Variants in TNNI3K observed in about 807,000 individuals in gnomAD.
The protein encoded by TNNI3K is serine/threonine-protein kinase TNNI3K.
In TNNI3K, 140 loss-of-function variants were observed where a neutral mutation model predicts 114.5. The observed-to-expected ratio is 1.22, with a 90% CI of 1.07 to 1.41. The LOEUF (loss-of-function observed/expected upper bound fraction) is 1.41. TNNI3K is among the 40% of genes most tolerant of loss of function. The probability of loss-of-function intolerance (pLI) is 0.00; values close to 1 mark genes in which losing one functional copy is unlikely to be tolerated. For synonymous variants in TNNI3K, 347 were observed against 347.5 expected, an observed-to-expected ratio of 1.00 and a Z score of 0.02; for missense variants, 1,125 against 1,007.6, an observed-to-expected ratio of 1.12 and a Z score of -1.58.
At chr1:74,507,924 G>A (rs1439639834) in intron 23 of TNNI3K, among the ~76,000 whole-genome samples, 1 of 152,174 alleles carries the variant, frequency 6.6e-6, no homozygotes, top group African/African-American at 2.4e-5. Context: ...TCCCTATATT[G>A]TGCTGGGAGT....
At chr1:74,288,108 T>C (rs188519963) in intron 5 of TNNI3K, among the ~76,000 whole-genome samples, 11 of 152,128 alleles carry the variant, frequency 7.2e-5, no homozygotes, top group Admixed American at 3.9e-4. Context: ...GACAAGAATA[T>C]GCAGAAAAGT....
intron 7 of TNNI3K, 125 bp downstream of exon 7, chr1:74,336,274 C>A: frequency 8.1e-7 from 1 of 1,232,468 alleles, no homozygotes; most frequent in Non-Finnish European, 1.1e-6. Flanking sequence ...TTATTTGCTC[C>A]ACAAGTCATA....
At position 74,543,064 on chromosome 1, in the gene TNNI3K, C is replaced by CTTTTTTTTTTTTTTTTTTTTTTT. The variant is rs60688934; in HGVS notation, c.2432-835_2432-813dup. On this transcript the variant is annotated intron_variant, in intron 24 of 24. Coordinates refer to ENST00000326637, the MANE Select transcript of TNNI3K (RefSeq NM_015978.3). ...CTTTTCCTTTTCTTTTTCTTTTTCC[C>CTTTTTTTTTTTTTTTTTTTTTTT]TTTTTTTTTTTTTTTTTTTTTTTTT... 2.5e-3 allele frequency among the ~76,000 whole-genome samples: 17 copies of CTTTTTTTTTTTTTTTTTTTTTTT among 6,750 alleles called. 8 individuals are homozygous for CTTTTTTTTTTTTTTTTTTTTTTT. Among genetic ancestry groups the CTTTTTTTTTTTTTTTTTTTTTTT allele is most frequent in the Non-Finnish European group, 3.2e-3 (9 of 2,796 alleles). 4.4% of individuals were successfully genotyped at this position (6,750 alleles called of 152,430 possible).
intron 2 of TNNI3K, among the ~76,000 whole-genome samples, chr1:74,236,984 G>T (rs1451019154): frequency 6.6e-6 from 1 of 151,800 alleles, no homozygotes; most frequent in African/African-American, 2.4e-5. Flanking sequence ...TGCACTCATG[G>T]CAAAGAACTC....
At position 74,507,228 on chromosome 1, in the gene TNNI3K, C is replaced by CG. The variant is rs1669952774; in HGVS notation, c.2351+14962_2351+14963insG. On this transcript the variant is annotated intron_variant, in intron 23 of 24. Transcript: ENST00000326637. ...AGCAGTTTTTAAATTTCTTCACCCC[C>CG]CCCCCATCTTTTTAACACAAAAATA... 1.4e-5 allele frequency among the ~76,000 whole-genome samples: 2 copies of CG among 138,636 alleles called. 1 individual carries two copies. The highest frequency in any genetic ancestry group is 5.1e-5 in the African/African-American group (2 of 38,886). 91.0% of individuals were successfully genotyped at this position (138,636 alleles called of 152,430 possible). A position where few individuals can be genotyped will look rare whatever the true frequency, so the allele number is the denominator to read the frequency against.
chr1:74,431,372 T>C (rs190281772), intron 17 of TNNI3K, among the ~76,000 whole-genome samples: 1 of 152,230 alleles, frequency 6.6e-6, no homozygotes, highest in Non-Finnish European at 1.5e-5. Flanking sequence ...ACATTCACTA[T>C]ATTATTTTCT....
At chr1:74,370,530 G>A in intron 17 of TNNI3K, 138 bp downstream of exon 17, 1 of 597,088 alleles carries the variant, frequency 1.7e-6, no homozygotes, top group Middle Eastern at 2.7e-4. Flanking sequence ...CATAAGCTTA[G>A]GCGATAGAAA....
chr1:74,435,498 A>G (rs1666080962), intron 17 of TNNI3K, among the ~76,000 whole-genome samples: 1 of 151,840 alleles, frequency 6.6e-6, no homozygotes, highest in Non-Finnish European at 1.5e-5. Context: ...TTGAAGGGGG[A>G]CTTTGGTGAC....
In TNNI3K at chr1:74,448,376, G is replaced by A. The variant is rs928253497; in HGVS notation, c.2011+8754G>A. Among the ~76,000 whole-genome samples the A allele has an allele frequency of 4.1e-4, 60 of 147,946 alleles. 3 individuals carry two copies. Among genetic ancestry groups the A allele is most frequent in the African/African-American group, 1.4e-3 (56 of 38,724 alleles). On this transcript the variant is annotated intron_variant, in intron 20 of 24. Coordinates refer to ENST00000326637, the MANE Select transcript of TNNI3K (RefSeq NM_015978.3). Reference sequence around the variant, plus strand: ...AGGAGATTTTGGGCTGAGACAATGGGGTTTTCTAGATATACAATCATGTCG... The same window carrying A: ...AGGAGATTTTGGGCTGAGACAATGGAGTTTTCTAGATATACAATCATGTCG...
chr1:74,351,200 G>A (rs1661318202), intron 9 of TNNI3K, among the ~76,000 whole-genome samples: 1 of 151,992 alleles, frequency 6.6e-6, no homozygotes. Context: ...TGTCTGTAAA[G>A]TATTTTATTT....
intron 5 of TNNI3K, among the ~76,000 whole-genome samples, chr1:74,273,649 T>C (rs1656492671): frequency 1.3e-5 from 2 of 151,962 alleles, no homozygotes; most frequent in African/African-American, 4.8e-5. Context: ...TAAATCATAA[T>C]ATGGAAGAAG....
chr1:74,288,895 T>G (rs1657493482), intron 5 of TNNI3K, among the ~76,000 whole-genome samples: 1 of 152,002 alleles, frequency 6.6e-6, no homozygotes, highest in South Asian at 2.1e-4. Flanking sequence ...TACATACTTT[T>G]TATTTGTCAG....
At chr1:74,477,323 A>G (rs1668253061) in intron 21 of TNNI3K, among the ~76,000 whole-genome samples, 1 of 152,006 alleles carries the variant, frequency 6.6e-6, no homozygotes, top group South Asian at 2.1e-4. Flanking sequence ...AACTAATACT[A>G]CCCAGGGATT....
chr1:74,488,044 T>A (rs543931000), intron 21 of TNNI3K, among the ~76,000 whole-genome samples: 2 of 151,292 alleles, frequency 1.3e-5, no homozygotes, highest in East Asian at 3.9e-4. Context: ...AACCCAGAGG[T>A]CAGGCTATTT....
chr1:74,295,192 A>C (rs1348701943), intron 5 of TNNI3K, among the ~76,000 whole-genome samples: 1 of 151,232 alleles, frequency 6.6e-6, no homozygotes, highest in Non-Finnish European at 1.5e-5. Context: ...TTTTACTTTG[A>C]TTTGCAGTAT....
intron 17 of TNNI3K, among the ~76,000 whole-genome samples, chr1:74,433,437 G>A (rs1239491612): frequency 1.3e-5 from 2 of 152,086 alleles, no homozygotes; most frequent in Non-Finnish European, 1.5e-5. Flanking sequence ...AAAAATGTGT[G>A]AAAGAATCTT....
chr1:74,538,278 A>G (rs890819792), intron 23 of TNNI3K, among the ~76,000 whole-genome samples: 1 of 152,178 alleles, frequency 6.6e-6, no homozygotes, highest in African/African-American at 2.4e-5. Flanking sequence ...GACTTGGTAT[A>G]TCGGCTTGGG....
At chr1:74,402,421 T>A (rs931169180) in intron 17 of TNNI3K, among the ~76,000 whole-genome samples, 11 of 152,216 alleles carry the variant, frequency 7.2e-5, no homozygotes, top group African/African-American at 2.7e-4. Flanking sequence ...TTGGACCATT[T>A]GGAGAAAACT....
At chr1:74,464,497 C>T in intron 21 of TNNI3K, 2 of 1,387,830 alleles carry the variant, frequency 1.4e-6, no homozygotes, top group East Asian at 2.6e-5. Flanking sequence ...CTGATCCTTC[C>T]TAGGCACTTT....
Sources: allele counts gnomAD v4.1 joint callset (sites outside exome capture counted in the v4.1 genomes callset), GRCh38; gene constraint gnomAD v4.1.1; transcripts MANE v1.5; gene names NCBI Gene and HGNC (gene_info 2026-07-23, HGNC 2026-07-21).